CCDC126: variants seen among roughly 807,000 people sequenced by gnomAD.
CCDC126 encodes the protein coiled-coil domain containing 126.
A neutral mutation model predicts 11.7 loss-of-function variants in CCDC126; 5 were observed. The observed-to-expected ratio is 0.43, with a 90% CI of 0.22 to 0.90. The LOEUF is 0.90. Among genes scored for constraint, CCDC126 ranks in the 40% least tolerant of loss-of-function variants. The pLI is 0.27. For missense variants in CCDC126, 150 were observed against 163.1 expected, an observed-to-expected ratio of 0.92 and a Z score of 0.44; for synonymous variants, 60 against 61.9, an observed-to-expected ratio of 0.97 and a Z score of 0.14.
intron 2 of CCDC126, among the ~76,000 whole-genome samples, chr7:23,605,602 C>G (rs1337444839): frequency 1.3e-5 from 2 of 152,188 alleles, no homozygotes; most frequent in Non-Finnish European, 2.9e-5. Flanking sequence ...TAAATCATAA[C>G]TTTCCATTCT....
chr7:23,611,042 G>C (rs1052791807), intron 2 of CCDC126, 129 bp from the exon 3 acceptor site: 5 of 222,554 alleles, frequency 2.2e-5, no homozygotes, highest in Non-Finnish European at 3.5e-5. Context: ...AGCTTACTTA[G>C]TGGTGGAGAA....
intron 3 of CCDC126, among the ~76,000 whole-genome samples, chr7:23,614,445 A>G (rs78983465): frequency 6.6e-6 from 1 of 152,136 alleles, no homozygotes; most frequent in Non-Finnish European, 1.5e-5. Context: ...GAACCCCTCA[A>G]AGTCATCCAT....
At chr7:23,623,100 A>T (rs910450376) in intron 3 of CCDC126, among the ~76,000 whole-genome samples, 7 of 149,626 alleles carry the variant, frequency 4.7e-5, no homozygotes, top group African/African-American at 1.2e-4. Context: ...TAGCCTCCCA[A>T]CTGGCTGGGA....
At chr7:23,636,875 C>G (rs1472203283) in intron 3 of CCDC126, among the ~76,000 whole-genome samples, 1 of 107,588 alleles carries the variant, frequency 9.3e-6, no homozygotes, top group East Asian at 2.8e-4. Flanking sequence ...TCTGCCCGGC[C>G]AGTCGCCCCG....
chr7:23,605,778 C>A (rs1382376402), intron 2 of CCDC126, among the ~76,000 whole-genome samples: 1 of 152,142 alleles, frequency 6.6e-6, no homozygotes, highest in Non-Finnish European at 1.5e-5. Flanking sequence ...TGAACACTGG[C>A]ATACACATAT....
chr7:23,601,823 A>G (rs974165369), intron 2 of CCDC126: 1 of 152,096 alleles, frequency 6.6e-6, no homozygotes, highest in African/African-American at 2.4e-5. Context: ...AGCTGGGACT[A>G]CAGGTGCGCA....
intron 3 of CCDC126, among the ~76,000 whole-genome samples, chr7:23,636,879 C>A (rs1470892310): frequency 9.6e-6 from 1 of 104,012 alleles, no homozygotes; most frequent in African/African-American, 4.0e-5. Flanking sequence ...CCCGGCCAGT[C>A]GCCCCGTCCA....
chr7:23,611,793 ATATT>A (rs1172275739), intron 3 of CCDC126, among the ~76,000 whole-genome samples: 1 of 152,232 alleles, frequency 6.6e-6, no homozygotes, highest in Non-Finnish European at 1.5e-5. Flanking sequence ...TTGTTGAAGA[ATATT>A]TAAACTATAG....
intron 3 of CCDC126, among the ~76,000 whole-genome samples, chr7:23,642,289 AG>A (rs1236959949): frequency 2.0e-5 from 3 of 152,202 alleles, no homozygotes; most frequent in Non-Finnish European, 4.4e-5. Flanking sequence ...CTGGGATTAC[AG>A]GTCTGTGGTA....
At chr7:23,619,787 T>C (rs1438483967) in intron 3 of CCDC126, among the ~76,000 whole-genome samples, 2 of 138,318 alleles carry the variant, frequency 1.4e-5, no homozygotes, top group Non-Finnish European at 3.0e-5. Context: ...TGTGTCCTAG[T>C]GTTCTCATTG....
In CCDC126 at chr7:23,644,506, A is replaced by G. The variant is rs1458583056; in HGVS notation, c.*1391A>G. 2.6e-5 allele frequency: 4 copies of G among 152,556 alleles called. No individual in the cohort carries two copies. Among genetic ancestry groups the G allele is most frequent in the Non-Finnish European group, 4.4e-5 (3 of 67,952 alleles). The allele number at this position is 152,556 out of a possible 1,614,324, so 9.5% of individuals were successfully genotyped here. A position where few individuals can be genotyped will look rare whatever the true frequency, so the allele number is the denominator to read the frequency against. ...ATTACAATATTTTATTAAAATAAAT[A>G]TGTGAAATATTGTTTCATGAAAGAC... On this transcript the variant is annotated 3_prime_UTR_variant, in exon 4 of 4. Transcript: ENST00000307471.
chr7:23,600,082 G>C (rs1782509454), intron 2 of CCDC126, among the ~76,000 whole-genome samples: 1 of 152,150 alleles, frequency 6.6e-6, no homozygotes, highest in African/African-American at 2.4e-5. Context: ...ACCACGCCAG[G>C]CCATATTTTA....
At chr7:23,637,903 C>T (rs1434915875) in intron 3 of CCDC126, among the ~76,000 whole-genome samples, 1 of 123,486 alleles carries the variant, frequency 8.1e-6, no homozygotes, top group African/African-American at 2.9e-5. Flanking sequence ...CTCTGCCCGG[C>T]CGCCCCTACT....
chr7:23,615,633 T>C (rs1782784204), intron 3 of CCDC126, among the ~76,000 whole-genome samples: 1 of 152,240 alleles, frequency 6.6e-6, no homozygotes, highest in African/African-American at 2.4e-5. Flanking sequence ...GAAGAGGGAC[T>C]CTTCCTTACA....
intron 2 of CCDC126, among the ~76,000 whole-genome samples, chr7:23,604,977 G>A (rs553358180): frequency 1.7e-3 from 244 of 145,862 alleles, no homozygotes; most frequent in African/African-American, 5.7e-3. Context: ...CAGCCTGGGC[G>A]ACAGAGCAAG....
At chr7:23,626,209 A>T (rs1172626805) in intron 3 of CCDC126, among the ~76,000 whole-genome samples, 3 of 152,082 alleles carry the variant, frequency 2.0e-5, no homozygotes, top group Non-Finnish European at 1.5e-5. Context: ...GTAAGCAGTA[A>T]GATGCAGCTT....
intron 3 of CCDC126, among the ~76,000 whole-genome samples, chr7:23,639,252 C>T (rs1783309244): frequency 6.8e-6 from 1 of 147,992 alleles, no homozygotes. Flanking sequence ...AGTGCAGTGG[C>T]ACGATCTCAG....
intron 2 of CCDC126, among the ~76,000 whole-genome samples, chr7:23,599,553 A>G (rs1224004486): frequency 2.0e-5 from 3 of 150,764 alleles, no homozygotes; most frequent in South Asian, 2.1e-4. Context: ...CCCAGGCTGT[A>G]GTGCAGTGGT....
rs559488743 is a variant in CCDC126 at position 23,600,257 on chromosome 7, A to G, written c.-146+2206A>G. On this transcript the variant is annotated intron_variant, in intron 2 of 3. Coordinates refer to ENST00000307471, the MANE Select transcript of CCDC126 (RefSeq NM_138771.4). ...AAATGTGCCATCTAAAAATGATCTG[A>G]TATCTTGACACTCATTATTTCCGTA... 2.6e-5 allele frequency among the ~76,000 whole-genome samples: 4 copies of G among 151,858 alleles called. No homozygotes were observed. In the East Asian group the frequency reaches 5.8e-4, roughly 22 times the overall value.
Sources: gnomAD v4.1 joint callset for allele counts (sites outside exome capture counted in the v4.1 genomes callset) on GRCh38, gnomAD v4.1.1 for gene constraint, MANE v1.5 for transcripts, NCBI Gene and HGNC (gene_info 2026-07-23, HGNC 2026-07-21) for gene names.